Variants in GRK4 observed in about 807,000 individuals in gnomAD.
GRK4 encodes G protein-coupled receptor kinase 2-like.
Under a neutral mutation model 77.9 loss-of-function variants are expected in GRK4, and 73 were observed. That is an observed-to-expected ratio of 0.94 (90% CI 0.78 to 1.14). GRK4 has a LOEUF of 1.14. GRK4 is among the 50% of genes most tolerant of loss of function. The pLI, the probability that GRK4 is intolerant of heterozygous loss-of-function variation, is 0.00. For synonymous variants in GRK4, 257 were observed against 254.4 expected (o/e 1.01, Z -0.10); for missense variants, 729 against 700.2 (o/e 1.04, Z -0.46).
chr4:3,019,522 T>C lies in GRK4; in HGVS notation c.742-119T>C, dbSNP rs144663016. 1.0e-4 allele frequency: 87 copies of C among 845,498 alleles called. No homozygotes were observed. The East Asian group carries it at 2.2e-3, about 21-fold the overall frequency. The allele number at this position is 845,498 out of a possible 1,614,324, so 52.4% of individuals were successfully genotyped here. On this transcript the variant is annotated intron_variant, in intron 8 of 15. Transcript: ENST00000398052. ...CTGTACATTTCTCTGAAACATATAG[T>C]ATTCACATGTTCTGATTGTAAACCT...
At chr4:3,022,550 G>A in intron 10 of GRK4, 99 bp downstream of exon 10, 1 of 1,031,752 alleles carries the variant, frequency 9.7e-7, no homozygotes, top group South Asian at 1.5e-5. Flanking sequence ...GATTAGGAGA[G>A]AATGGAAACA....
At chr4:3,010,965 C>A (rs1732750625) in intron 7 of GRK4, among the ~76,000 whole-genome samples, 1 of 152,128 alleles carries the variant, frequency 6.6e-6, no homozygotes, top group African/African-American at 2.4e-5. Flanking sequence ...TTCCAGAGAC[C>A]ATGAAGAATA....
chr4:3,008,525 C>T (rs533211821), intron 6 of GRK4, among the ~76,000 whole-genome samples: 7 of 152,272 alleles, frequency 4.6e-5, no homozygotes, highest in South Asian at 2.1e-4. Context: ...AGCTGTGGGC[C>T]GGGCGCAGTG....
intron 4 of GRK4, among the ~76,000 whole-genome samples, chr4:2,995,584 G>C (rs1210184291): frequency 6.6e-6 from 1 of 151,832 alleles, no homozygotes; most frequent in East Asian, 1.9e-4. Context: ...GGGAGGCTGA[G>C]GTAGGAGAAT....
chr4:3,033,176 A>C (rs1282475045), intron 12 of GRK4, among the ~76,000 whole-genome samples: 1 of 152,190 alleles, frequency 6.6e-6, no homozygotes, highest in Non-Finnish European at 1.5e-5. Context: ...TGAGCCAAGG[A>C]GCTAGAGACC....
At chr4:3,011,912 A>C (rs895821174) in intron 7 of GRK4, among the ~76,000 whole-genome samples, 1 of 152,262 alleles carries the variant, frequency 6.6e-6, no homozygotes, top group Non-Finnish European at 1.5e-5. Context: ...CACAGACTGT[A>C]GTGGAAAGAG....
chr4:2,970,708 C>T (rs1400631796), intron 1 of GRK4, among the ~76,000 whole-genome samples: 3 of 151,182 alleles, frequency 2.0e-5, no homozygotes, highest in Non-Finnish European at 2.9e-5. Flanking sequence ...CTCGCTCTGT[C>T]GCCCAGGCTG....
chr4:2,977,250 G>A (rs1472286935), intron 1 of GRK4, among the ~76,000 whole-genome samples: 1 of 152,120 alleles, frequency 6.6e-6, no homozygotes, highest in East Asian at 1.9e-4. Flanking sequence ...GGTATGATGA[G>A]TAACAGCGCA....
At chr4:3,026,044 T>G (rs971726959) in intron 10 of GRK4, among the ~76,000 whole-genome samples, 1 of 152,258 alleles carries the variant, frequency 6.6e-6, no homozygotes, top group Non-Finnish European at 1.5e-5. Context: ...CTGGTAAGCG[T>G]GTCATCTCCA....
At chr4:3,007,619 T>C in intron 5 of GRK4, 117 bp from the exon 6 acceptor site, 2 of 556,024 alleles carry the variant, frequency 3.6e-6, no homozygotes, top group Non-Finnish European at 6.3e-6. Flanking sequence ...TTCAAAATAT[T>C]GAATTGTGTG....
At chr4:2,989,312 C>T (rs1725427087) in intron 3 of GRK4, among the ~76,000 whole-genome samples, 1 of 152,232 alleles carries the variant, frequency 6.6e-6, no homozygotes, top group Admixed American at 6.5e-5. Flanking sequence ...TGTAGAATTA[C>T]GTCTCAAGTG....
chr4:3,026,081 A>T (rs934704647), intron 10 of GRK4, among the ~76,000 whole-genome samples: 3 of 152,196 alleles, frequency 2.0e-5, no homozygotes, highest in Non-Finnish European at 4.4e-5. Flanking sequence ...TGGTGCCGCG[A>T]TGGAGAGCCT....
intron 6 of GRK4, among the ~76,000 whole-genome samples, chr4:3,008,612 G>A (rs1048301943): frequency 3.3e-5 from 5 of 152,060 alleles, no homozygotes; most frequent in African/African-American, 1.2e-4. Context: ...AGACCAGCCT[G>A]GCCAAAATGG....
intron 12 of GRK4, among the ~76,000 whole-genome samples, chr4:3,030,230 C>T (rs888388220): frequency 2.0e-5 from 3 of 152,018 alleles, no homozygotes; most frequent in Non-Finnish European, 2.9e-5. Context: ...CGGTGGCACC[C>T]GCGAGTCACA....
chr4:3,001,077 A>ATG (rs1729426157), intron 4 of GRK4, among the ~76,000 whole-genome samples: 2 of 118,374 alleles, frequency 1.7e-5, no homozygotes, highest in Non-Finnish European at 3.5e-5. Flanking sequence ...ATGAGACTAT[A>ATG]TATATATATA....
intron 12 of GRK4, among the ~76,000 whole-genome samples, chr4:3,033,125 A>G (rs2857841): frequency 0.65 from 99,496 of 152,150 alleles, 33,136 homozygotes; most frequent in African/African-American, 0.78. Flanking sequence ...GCTCATACCT[A>G]TAATCTTAGC....
At chr4:3,031,210 G>C (rs1432760368) in intron 12 of GRK4, among the ~76,000 whole-genome samples, 1 of 152,198 alleles carries the variant, frequency 6.6e-6, no homozygotes, top group Non-Finnish European at 1.5e-5. Flanking sequence ...AGGAGGCAGA[G>C]TCTGTGGCCA....
chr4:2,988,930 AT>A, intron 3 of GRK4, 91 bp downstream of exon 3: 2 of 786,136 alleles, frequency 2.5e-6, no homozygotes, highest in Non-Finnish European at 4.4e-6. Context: ...TCATGCTGTA[AT>A]CCCAGCATTT....
intron 1 of GRK4, among the ~76,000 whole-genome samples, chr4:2,972,525 CG>C (rs375610930): frequency 1.3e-4 from 19 of 149,540 alleles, no homozygotes; most frequent in South Asian, 2.1e-4. Flanking sequence ...CCCAAACCTG[CG>C]GGGGGGGGCC....
Sources: allele counts gnomAD v4.1 joint callset (sites outside exome capture counted in the v4.1 genomes callset), GRCh38; gene constraint gnomAD v4.1.1; transcripts MANE v1.5; gene names NCBI Gene and HGNC (gene_info 2026-07-23, HGNC 2026-07-21).